Variants in PYM1 observed in about 807,000 individuals in gnomAD.
PYM1 encodes partner of Y14 and mago.
Under a neutral mutation model 20.7 loss-of-function variants are expected in PYM1, and 7 were observed. The ratio of observed to expected loss-of-function variants is 0.34; its 90% CI spans 0.19 to 0.64. PYM1 has a LOEUF of 0.64. PYM1 is among the 30% of genes least tolerant of loss of function. PYM1 has a pLI of 0.74. For missense variants in PYM1, 194 were observed against 250.0 expected (o/e 0.78, Z 1.51); for synonymous variants, 100 against 99.2 (o/e 1.01, Z -0.05).
In PYM1 at chr12:55,902,117, G is replaced by C; in HGVS notation, c.370C>G (p.Leu124Val). The change falls in exon 3 of 3, where the codon CTC becomes GTC. Residue 124 changes from leucine to valine, a missense_variant. Leu to Val is a conservative substitution (Grantham distance 32). Transcript: ENST00000408946. ...DKVSLEETAQ[L>V]PSAPQGSRAA... ...CGAGAGCCCTGTGGAGCACTGGGGA[G>C]TTGGGCTGTCTCTTCCAGGGACACC... 6.2e-7 allele frequency: 1 copy of C among 1,614,148 alleles called. No homozygotes were observed. The highest frequency in any genetic ancestry group is 8.5e-7 in the Non-Finnish European group (1 of 1,180,022).
chr12:55,911,864 G>C (rs1171100495), intron 1 of PYM1, among the ~76,000 whole-genome samples: 1 of 151,364 alleles, frequency 6.6e-6, no homozygotes, highest in Non-Finnish European at 1.5e-5. Context: ...GGAGGGGAGG[G>C]GAGGGGAGAT....
rs1418878973 is a variant in PYM1 at position 55,901,774 on chromosome 12, T to C, written c.*98A>G. Reference sequence around the variant, plus strand: ...CGCAGGAGGTGGAAGTAAGCCAGTATGGGGGGTACCCCTCCTGACTGCTGT... The same window carrying C: ...CGCAGGAGGTGGAAGTAAGCCAGTACGGGGGGTACCCCTCCTGACTGCTGT... On this transcript the variant is annotated 3_prime_UTR_variant, in exon 3 of 3. Transcript: ENST00000408946. The C allele has an allele frequency of 1.1e-5, 16 of 1,490,284 alleles. No individual in the cohort carries two copies. In the Middle Eastern group the frequency reaches 7.4e-4, roughly 69 times the overall value. The allele number at this position is 1,490,284 out of a possible 1,614,324, so 92.3% of individuals were successfully genotyped here.
At chr12:55,926,623 CGAG>C (rs1031974863) in intron 1 of PYM1, among the ~76,000 whole-genome samples, 3 of 151,906 alleles carry the variant, frequency 2.0e-5, no homozygotes, top group Non-Finnish European at 4.4e-5. Context: ...TATGTAGAAA[CGAG>C]GAGGTCTTCA....
Position 55,927,751 on chromosome 12 carries a change from G to C in PYM1, c.11C>G (p.Ala4Gly). 6.5e-7 allele frequency: 1 copy of C among 1,539,552 alleles called. No homozygotes were observed. The highest frequency in any genetic ancestry group is 1.2e-5 in the South Asian group (1 of 83,936). Residue 4 changes from alanine to glycine, a missense_variant, in exon 1 of 3, where the codon GCC becomes GGC. By Grantham distance (60) the Ala-to-Gly change is moderately conservative (BLOSUM62 0). Transcript: ENST00000408946. ...TGTCTCCGTAGCCGCAGGGCTGCCG[G>C]CAGCTTCCATGGCCGAAGAGGCAGC... is the stretch of plus-strand genomic sequence containing the variant. MEA[A>G]GSPAATETGK...
intron 1 of PYM1, among the ~76,000 whole-genome samples, chr12:55,916,156 G>A (rs1049291583): frequency 6.6e-5 from 10 of 151,402 alleles, no homozygotes; most frequent in Admixed American, 6.6e-5. Context: ...CCAACATGGC[G>A]AAGCCCCATC....
rs71074876 is a variant in PYM1 at position 55,910,252 on chromosome 12, CATATAT to C, written c.38-6778_38-6773del. Among the ~76,000 whole-genome samples the C allele has an allele frequency of 1.4e-3, 201 of 142,754 alleles. 1 individual carries two copies. Among genetic ancestry groups the C allele is most frequent in the South Asian group, 6.7e-3 (30 of 4,468 alleles). The allele number at this position is 142,754 out of a possible 152,430, so 93.7% of individuals were successfully genotyped here. On this transcript the variant is annotated intron_variant, in intron 1 of 2. Transcript: ENST00000408946. The stretch of plus-strand genomic sequence containing the variant: ...GCTTGAGGTACGGCTTGGTTTTATA[CATATAT>C]ATATATATATATATATATATATATA...
intron 1 of PYM1, among the ~76,000 whole-genome samples, chr12:55,920,272 G>A (rs1216273549): frequency 6.6e-6 from 1 of 152,056 alleles, no homozygotes; most frequent in Non-Finnish European, 1.5e-5. Context: ...GGAGGCCAAG[G>A]TGAGAGGATC....
chr12:55,915,151 G>A (rs1882984075), intron 1 of PYM1, among the ~76,000 whole-genome samples: 1 of 147,834 alleles, frequency 6.8e-6, no homozygotes, highest in Admixed American at 6.8e-5. Context: ...GGAGGCAGAG[G>A]TTGCAGTAAG....
chr12:55,918,441 T>A (rs1270340826), intron 1 of PYM1, among the ~76,000 whole-genome samples: 1 of 151,032 alleles, frequency 6.6e-6, no homozygotes, highest in Non-Finnish European at 1.5e-5. Flanking sequence ...AAAATGGAAA[T>A]CAACAAATAG....
At chr12:55,911,960 T>TA (rs915246858) in intron 1 of PYM1, among the ~76,000 whole-genome samples, 1 of 151,990 alleles carries the variant, frequency 6.6e-6, no homozygotes, top group Non-Finnish European at 1.5e-5. Flanking sequence ...TTTGGCAAGA[T>TA]AAAAAAAGTC....
chr12:55,904,403 C>T (rs1159996998), intron 1 of PYM1, among the ~76,000 whole-genome samples: 1 of 150,862 alleles, frequency 6.6e-6, no homozygotes, highest in Non-Finnish European at 1.5e-5. Context: ...ACCAGCCTGA[C>T]CAACATAGTG....
intron 1 of PYM1, among the ~76,000 whole-genome samples, chr12:55,905,194 A>G (rs1314542395): frequency 6.7e-6 from 1 of 148,750 alleles, no homozygotes; most frequent in Non-Finnish European, 1.5e-5. Context: ...TATTTTTAAT[A>G]AAGACGGGGT....
chr12:55,926,989 G>C, intron 1 of PYM1: 4 of 1,371,272 alleles, frequency 2.9e-6, no homozygotes, highest in Non-Finnish European at 3.9e-6. Flanking sequence ...AGGGGCCCCG[G>C]GATGGGCGGG....
chr12:55,926,426 A>G (rs1270029862), intron 1 of PYM1, among the ~76,000 whole-genome samples: 2 of 152,224 alleles, frequency 1.3e-5, no homozygotes, highest in African/African-American at 4.8e-5. Flanking sequence ...AAGCCACTAG[A>G]TACTTTCCTG....
At chr12:55,913,022 C>A (rs1882951663) in intron 1 of PYM1, among the ~76,000 whole-genome samples, 2 of 152,018 alleles carry the variant, frequency 1.3e-5, no homozygotes, top group African/African-American at 4.8e-5. Context: ...TGACCCATGT[C>A]TCTATTCTCT....
intron 1 of PYM1, among the ~76,000 whole-genome samples, chr12:55,911,010 A>G (rs889795805): frequency 4.3e-4 from 66 of 152,220 alleles, no homozygotes; most frequent in African/African-American, 1.6e-3. Flanking sequence ...AACGTTTCCT[A>G]TTCAGTTCTT....
chr12:55,903,177 T>C (rs990079679), intron 2 of PYM1, among the ~76,000 whole-genome samples: 2 of 152,168 alleles, frequency 1.3e-5, no homozygotes, highest in Non-Finnish European at 2.9e-5. Context: ...GAGGTTCTAA[T>C]GAACAGAGGT....
intron 1 of PYM1, among the ~76,000 whole-genome samples, chr12:55,907,622 G>A (rs1882844809): frequency 7.6e-6 from 1 of 131,430 alleles, no homozygotes. Context: ...GACAGAGCGA[G>A]ACTTCGTCTG....
intron 1 of PYM1, chr12:55,927,185 T>C: frequency 1.3e-6 from 2 of 1,542,214 alleles, no homozygotes; most frequent in Non-Finnish European, 1.8e-6. Flanking sequence ...GGAGTCCCGA[T>C]CGTAGCAAGC....
Sources: allele counts gnomAD v4.1 joint callset (sites outside exome capture counted in the v4.1 genomes callset), GRCh38; gene constraint gnomAD v4.1.1; transcripts MANE v1.5; gene names NCBI Gene and HGNC (gene_info 2026-07-23, HGNC 2026-07-21).